Variants in CSMD3 observed in about 807,000 individuals in gnomAD.
CSMD3 encodes the protein CUB and Sushi multiple domains 3, also known as CUB and sushi domain-containing protein 3.
In CSMD3, 177 loss-of-function variants were observed where a neutral mutation model predicts 435.2. The observed-to-expected ratio is 0.41, with a 90% confidence interval of 0.36 to 0.46. CSMD3 has a LOEUF of 0.46. CSMD3 is among the 20% of genes least tolerant of loss of function. CSMD3 has a pLI of 0.34. For synonymous variants in CSMD3, 1,656 were observed against 1,520.5 expected, an observed-to-expected ratio of 1.09 and a Z score of -2.07; for missense variants, 4,265 against 4,504.6, an observed-to-expected ratio of 0.95 and a Z score of 1.52.
rs111807211 is a variant in CSMD3 at position 112,972,398 on chromosome 8, T to G, written c.1342+3439A>C. The stretch of plus-strand genomic sequence containing the variant: ...TTCAGTAGAATATTTTTTCATAGGA[T>G]ATTTTTGACTTTATAGTTTGCTAAT... On this transcript the variant is annotated intron_variant, in intron 7 of 70. Transcript: ENST00000297405. Among the ~76,000 whole-genome samples the G allele has an allele frequency of 8.2e-3, 1,252 of 152,020 alleles. 30 individuals carry two copies. The highest frequency in any genetic ancestry group is 0.029 in the African/African-American group (1,184 of 41,542).
At chr8:112,996,572 GTTAA>G (rs2085660619) in intron 6 of CSMD3, among the ~76,000 whole-genome samples, 4 of 151,526 alleles carry the variant, frequency 2.6e-5, no homozygotes, top group African/African-American at 9.7e-5. Context: ...ACTGAGAATA[GTTAA>G]TTAATTAAGT....
chr8:112,725,683 T>G (rs1427007766), intron 13 of CSMD3, among the ~76,000 whole-genome samples: 1 of 151,868 alleles, frequency 6.6e-6, no homozygotes, highest in Non-Finnish European at 1.5e-5. Context: ...GCACAGTACC[T>G]CAAAACTTGT....
intron 32 of CSMD3, among the ~76,000 whole-genome samples, chr8:112,440,582 G>A (rs1316320565): frequency 2.0e-5 from 3 of 152,176 alleles, no homozygotes; most frequent in African/African-American, 2.4e-5. Context: ...CCCTAACAGA[G>A]TTTCTCCAAG....
At chr8:112,917,122 T>C (rs1277809177) in intron 10 of CSMD3, among the ~76,000 whole-genome samples, 5 of 151,920 alleles carry the variant, frequency 3.3e-5, no homozygotes, top group Non-Finnish European at 1.5e-5. Flanking sequence ...GGGTAGACCA[T>C]ATTGATAACT....
intron 1 of CSMD3, among the ~76,000 whole-genome samples, chr8:113,388,408 T>A (rs1044648858): frequency 6.6e-6 from 1 of 151,588 alleles, no homozygotes; most frequent in Non-Finnish European, 1.5e-5. Flanking sequence ...GAAAAAAAAA[T>A]TTAAAACAGA....
chr8:112,827,164 A>ATATATATATATATATATATAT (rs1564000272), intron 12 of CSMD3, among the ~76,000 whole-genome samples: 3 of 82,834 alleles, frequency 3.6e-5, no homozygotes, highest in Non-Finnish European at 6.6e-5. Flanking sequence ...GGTTACCATA[A>ATATATATATATATATATATAT]ATATATATAT....
At position 112,305,930 on chromosome 8, in the gene CSMD3, T is replaced by C. The variant is rs922725433; in HGVS notation, c.8071+77A>G. ...TCAGTTTAGGGATTGGTTTTTATAA[T>C]TCTAAAATACATAAAATTTCAGGTA... On this transcript the variant is annotated intron_variant, in intron 51 of 70. Transcript: ENST00000297405. The C allele has an allele frequency of 1.3e-5, 17 of 1,262,802 alleles. 1 individual carries two copies. The African/African-American group carries it at 1.9e-4, about 14-fold the overall frequency. 78.2% of individuals were successfully genotyped at this position (1,262,802 alleles called of 1,614,324 possible). A position where few individuals can be genotyped will look rare whatever the true frequency, so the allele number is the denominator to read the frequency against.
At chr8:112,738,511 T>G (rs2077234377) in intron 13 of CSMD3, among the ~76,000 whole-genome samples, 1 of 151,754 alleles carries the variant, frequency 6.6e-6, no homozygotes, top group Admixed American at 6.6e-5. Flanking sequence ...TCAAAAGAAT[T>G]ATGTCATGCT....
intron 27 of CSMD3, among the ~76,000 whole-genome samples, chr8:112,535,251 T>A (rs535581964): frequency 6.6e-6 from 1 of 152,082 alleles, no homozygotes; most frequent in South Asian, 2.1e-4. Flanking sequence ...GCAGATGACA[T>A]GATTGTATAT....
intron 12 of CSMD3, among the ~76,000 whole-genome samples, chr8:112,825,758 A>G (rs1295808995): frequency 6.6e-6 from 1 of 152,092 alleles, no homozygotes; most frequent in Non-Finnish European, 1.5e-5. Context: ...TGCCAGTAGG[A>G]ACACTCCTGT....
At position 113,122,196 on chromosome 8, in the gene CSMD3, A is replaced by G. The variant is rs140510330; in HGVS notation, c.710-23233T>C. Among the ~76,000 whole-genome samples the G allele has an allele frequency of 7.9e-3, 1,207 of 152,280 alleles. 20 individuals carry two copies. Among genetic ancestry groups the G allele is most frequent in the African/African-American group, 0.027 (1,131 of 41,574 alleles). ...GTTTCACTGATTGAGCATATATGCT[A>G]TGCAAACTGTTGGATATTTTACTTT... On this transcript the variant is annotated intron_variant, in intron 4 of 70. Coordinates refer to ENST00000297405, the MANE Select transcript of CSMD3 (RefSeq NM_198123.2).
intron 22 of CSMD3, among the ~76,000 whole-genome samples, chr8:112,629,413 T>TA (rs1225533930): frequency 6.6e-6 from 1 of 152,136 alleles, no homozygotes; most frequent in African/African-American, 2.4e-5. Context: ...AGGCTGTTCT[T>TA]ACTGTACTTT....
At chr8:112,866,408 T>C (rs2080985272) in intron 10 of CSMD3, among the ~76,000 whole-genome samples, 1 of 152,146 alleles carries the variant, frequency 6.6e-6, no homozygotes, top group Non-Finnish European at 1.5e-5. Context: ...TCCCAAGAGA[T>C]GCAATGAAGT....
chr8:113,085,253 C>T (rs1256405600), intron 5 of CSMD3, among the ~76,000 whole-genome samples: 1 of 150,900 alleles, frequency 6.6e-6, no homozygotes, highest in East Asian at 1.9e-4. Context: ...AAAAAAACCA[C>T]CCACAAATAA....
chr8:112,760,212 A>T (rs908647077), intron 13 of CSMD3, among the ~76,000 whole-genome samples: 1 of 152,196 alleles, frequency 6.6e-6, no homozygotes, highest in Non-Finnish European at 1.5e-5. Context: ...TTTAGGAATG[A>T]AACCTTTTTA....
intron 4 of CSMD3, among the ~76,000 whole-genome samples, chr8:113,150,979 A>G (rs2091791941): frequency 6.6e-6 from 1 of 152,010 alleles, no homozygotes; most frequent in African/African-American, 2.4e-5. Context: ...AGGATTTCAT[A>G]AAATCATAAT....
intron 2 of CSMD3, among the ~76,000 whole-genome samples, chr8:113,281,858 T>C (rs1201628633): frequency 6.6e-6 from 1 of 151,982 alleles, no homozygotes; most frequent in Non-Finnish European, 1.5e-5. Context: ...GCAGTTCTTG[T>C]AGTGGTGGCT....
intron 45 of CSMD3, among the ~76,000 whole-genome samples, chr8:112,325,829 T>G (rs1046789624): frequency 6.6e-6 from 1 of 152,108 alleles, no homozygotes; most frequent in Non-Finnish European, 1.5e-5. Context: ...ATCTTTCTGC[T>G]TTGCTTTCCT....
At chr8:113,258,780 A>G (rs1056910605) in intron 3 of CSMD3, among the ~76,000 whole-genome samples, 1 of 152,142 alleles carries the variant, frequency 6.6e-6, no homozygotes, top group Non-Finnish European at 1.5e-5. Flanking sequence ...TAAAAAGGCA[A>G]GAGAGAAAGC....
Sources: gnomAD v4.1 joint callset for allele counts (sites outside exome capture counted in the v4.1 genomes callset) on GRCh38, gnomAD v4.1.1 for gene constraint, MANE v1.5 for transcripts, NCBI Gene and HGNC (gene_info 2026-07-23, HGNC 2026-07-21) for gene names.